The following CA10 variants were observed in gnomAD, a reference collection of about 807,000 sequenced individuals.
The protein encoded by CA10 is carbonic anhydrase 10 (inactive).
A neutral mutation model predicts 44.2 loss-of-function variants in CA10; 14 were observed. That is an observed-to-expected ratio of 0.32 (90% CI 0.21 to 0.50). The LOEUF is 0.50. CA10 is among the 20% of genes least tolerant of loss of function. The pLI is 0.99. For missense variants in CA10, 350 were observed against 409.7 expected (o/e 0.85, Z 1.26); for synonymous variants, 159 against 141.6 (o/e 1.12, Z -0.87).
intron 3 of CA10, among the ~76,000 whole-genome samples, chr17:51,902,851 G>A (rs553606118): frequency 4.6e-5 from 7 of 152,258 alleles, no homozygotes; most frequent in African/African-American, 1.7e-4. Flanking sequence ...TTGTCTTCGG[G>A]TAGCTTATAG....
chr17:51,890,130 T>C (rs1347265762), intron 3 of CA10, among the ~76,000 whole-genome samples: 1 of 152,224 alleles, frequency 6.6e-6, no homozygotes, highest in Non-Finnish European at 1.5e-5. Context: ...GCTTAGTGTT[T>C]TGCAAGGAAC....
intron 2 of CA10, among the ~76,000 whole-genome samples, chr17:52,019,997 TAC>T (rs745535599): frequency 7.9e-5 from 12 of 151,910 alleles, no homozygotes; most frequent in Non-Finnish European, 1.6e-4. Flanking sequence ...TGAGAATTGT[TAC>T]AGTCTCCTAC....
At chr17:51,854,382 G>A (rs1978942257) in intron 3 of CA10, among the ~76,000 whole-genome samples, 1 of 152,174 alleles carries the variant, frequency 6.6e-6, no homozygotes, top group Non-Finnish European at 1.5e-5. Flanking sequence ...TTGTGGCTGG[G>A]AAATATTTCT....
intron 3 of CA10, among the ~76,000 whole-genome samples, chr17:51,831,698 A>AGCGGCGGCGGCG (rs1567854587): frequency 2.4e-5 from 2 of 81,702 alleles, no homozygotes; most frequent in Admixed American, 1.2e-4. Flanking sequence ...CAGCAGCAGC[A>AGCGGCGGCGGCG]GCAGCAGCAG....
At chr17:52,140,441 G>T (rs1192807244) in intron 1 of CA10, among the ~76,000 whole-genome samples, 1 of 152,098 alleles carries the variant, frequency 6.6e-6, no homozygotes, top group Non-Finnish European at 1.5e-5. Context: ...AATGAGTGTG[G>T]TTGTTTTCAA....
At chr17:51,639,448 G>T (rs1462136089) in intron 6 of CA10, among the ~76,000 whole-genome samples, 1 of 152,088 alleles carries the variant, frequency 6.6e-6, no homozygotes, top group African/African-American at 2.4e-5. Context: ...GGGGGCCGAG[G>T]TATAGTGTAG....
intron 1 of CA10, among the ~76,000 whole-genome samples, chr17:52,140,888 GA>G (rs1352586835): frequency 6.6e-6 from 1 of 152,148 alleles, no homozygotes; most frequent in African/African-American, 2.4e-5. Flanking sequence ...TTATTTGAGA[GA>G]AAATGCTCTA....
At chr17:52,066,290 G>T (rs1987533236) in intron 2 of CA10, among the ~76,000 whole-genome samples, 1 of 152,202 alleles carries the variant, frequency 6.6e-6, no homozygotes, top group South Asian at 2.1e-4. Flanking sequence ...ACTTCCTAGA[G>T]ACTTGTTGAA....
At chr17:51,699,627 A>G (rs1915522497) in intron 4 of CA10, among the ~76,000 whole-genome samples, 1 of 152,190 alleles carries the variant, frequency 6.6e-6, no homozygotes, top group Non-Finnish European at 1.5e-5. Context: ...CTATTGCTTT[A>G]TTGCATGTTG....
intron 3 of CA10, among the ~76,000 whole-genome samples, chr17:51,875,946 A>G (rs35967972): frequency 6.6e-6 from 1 of 152,276 alleles, no homozygotes; most frequent in East Asian, 1.9e-4. Flanking sequence ...TTGACTTAGC[A>G]CAATGCCTTT....
rs899140495 is a variant in CA10, at chr17:52,101,264, T to C, written c.62-28871A>G. Among the ~76,000 whole-genome samples, 3 of 152,200 alleles carry C rather than the reference T, an allele frequency of 2.0e-5. No homozygotes were observed. The East Asian group carries it at 5.8e-4, about 29-fold the overall frequency. Reference sequence around the variant, plus strand: ...CTAATTTCTGCAACACATACATCCTTTTATTCATGAGCATGTACACAATTT... The same window carrying C: ...CTAATTTCTGCAACACATACATCCTCTTATTCATGAGCATGTACACAATTT... On this transcript the variant is annotated intron_variant, in intron 1 of 8. Transcript: ENST00000451037.
At chr17:51,820,892 G>A (rs72832687) in intron 3 of CA10, among the ~76,000 whole-genome samples, 7 of 152,194 alleles carry the variant, frequency 4.6e-5, no homozygotes, top group Non-Finnish European at 8.8e-5. Flanking sequence ...TAGAATAACT[G>A]AGCAGTGATT....
intron 3 of CA10, among the ~76,000 whole-genome samples, chr17:51,927,324 T>C (rs1414034554): frequency 6.6e-6 from 1 of 152,162 alleles, no homozygotes; most frequent in African/African-American, 2.4e-5. Context: ...TGAGAAAAGA[T>C]GACGGAACTG....
chr17:51,645,989 T>A (rs1301771165), intron 6 of CA10, among the ~76,000 whole-genome samples: 1 of 152,154 alleles, frequency 6.6e-6, no homozygotes, highest in Non-Finnish European at 1.5e-5. Context: ...TTGCCCTGGA[T>A]ATCATCTTGA....
At chr17:51,876,160 GTTTTT>G (rs3033579) in intron 3 of CA10, among the ~76,000 whole-genome samples, 2 of 59,796 alleles carry the variant, frequency 3.3e-5, no homozygotes, top group Non-Finnish European at 5.7e-5. Context: ...TTCTTCTCTC[GTTTTT>G]TTTTTTTTTT....
chr17:52,005,198 G>A (rs73360745), intron 2 of CA10, among the ~76,000 whole-genome samples: 1,970 of 151,966 alleles, frequency 0.013, 47 homozygotes, highest in African/African-American at 0.045. Context: ...GGACCTTAAT[G>A]ATTCTACAAA....
Position 52,141,040 on chromosome 17 carries a change from C to A in CA10, c.61+16686G>T, listed in dbSNP as rs190884667. 2.0e-4 allele frequency among the ~76,000 whole-genome samples: 31 copies of A among 152,222 alleles called. 1 individual carries two copies. The South Asian group carries it at 5.2e-3, about 25-fold the overall frequency. ...GTTCTTATTTCTGAATATGGTCTGACCTTCATTCCCCAAAGAGAAGGGTTA... is the reference window on the plus strand; with the variant it reads ...GTTCTTATTTCTGAATATGGTCTGAACTTCATTCCCCAAAGAGAAGGGTTA... On this transcript the variant is annotated intron_variant, in intron 1 of 8. Transcript: ENST00000451037.
chr17:52,068,939 T>C (rs1041418991), intron 2 of CA10, among the ~76,000 whole-genome samples: 1 of 152,180 alleles, frequency 6.6e-6, no homozygotes, highest in Non-Finnish European at 1.5e-5. Flanking sequence ...TTGGCTCACA[T>C]GATGGCTGGC....
chr17:52,157,535 C>CAA (rs1989831664), intron 1 of CA10, among the ~76,000 whole-genome samples, 191 bp downstream of exon 1: 1 of 145,652 alleles, frequency 6.9e-6, no homozygotes, highest in Non-Finnish European at 1.5e-5. Flanking sequence ...AACCACCCCC[C>CAA]CCCGCAAAAC....
Sources: allele counts gnomAD v4.1 joint callset (sites outside exome capture counted in the v4.1 genomes callset), GRCh38; gene constraint gnomAD v4.1.1; transcripts MANE v1.5; gene names NCBI Gene and HGNC (gene_info 2026-07-23, HGNC 2026-07-21).